The following RBM20 variants were observed in gnomAD, a reference collection of about 807,000 sequenced individuals.
The protein encoded by RBM20 is RNA binding motif protein 20.
Under a neutral mutation model 110.1 loss-of-function variants are expected in RBM20, and 51 were observed. The observed-to-expected ratio is 0.46, with a 90% CI of 0.37 to 0.59. The LOEUF (loss-of-function observed/expected upper bound fraction) is 0.59, where lower values mean the gene tolerates loss of function less well. Ranked by LOEUF, RBM20 falls within the 20% of genes least tolerant of loss-of-function variation. The probability of loss-of-function intolerance (pLI) is 0.00; values close to 1 mark genes in which losing one functional copy is unlikely to be tolerated. For synonymous variants in RBM20, 589 were observed against 618.2 expected, an observed-to-expected ratio of 0.95 and a Z score of 0.70; for missense variants, 1,512 against 1,574.9, an observed-to-expected ratio of 0.96 and a Z score of 0.68.
Position 110,812,594 on chromosome 10 carries a change from C to T in RBM20, c.2197C>T (p.His733Tyr). 1 of 1,551,690 alleles carries T rather than the reference C, an allele frequency of 6.4e-7. No individual in the cohort carries two copies. Among genetic ancestry groups the T allele is most frequent in the Non-Finnish European group, 8.7e-7 (1 of 1,146,996 alleles). The change falls in exon 9 of 14, where the codon CAC becomes TAC. Residue 733 changes from histidine to tyrosine, a missense_variant. Physicochemically the swap from His to Tyr is moderately conservative, Grantham distance 83. This residue lies in a region of RBM20 where 1,149 missense variants were observed against 1,169.4 expected (regional missense o/e 0.98). Coordinates refer to ENST00000369519, the MANE Select transcript of RBM20 (RefSeq NM_001134363.3). ...CGAGCGACCAGAAGGAGGGAGGCCC[C>T]ACCGGGAGAAGTACCCGAGATCTGG... ...LDERPEGGRP[H>Y]REKYPRSGSP...
intron 1 of RBM20, among the ~76,000 whole-genome samples, chr10:110,748,501 C>T (rs1328932034): frequency 5.3e-5 from 8 of 152,040 alleles, no homozygotes; most frequent in South Asian, 2.1e-4. Flanking sequence ...CAAGGGCTAC[C>T]GAGGCCTGGA....
intron 1 of RBM20, among the ~76,000 whole-genome samples, chr10:110,676,556 T>C (rs1396577187): frequency 1.3e-5 from 2 of 152,258 alleles, no homozygotes; most frequent in Non-Finnish European, 2.9e-5. Flanking sequence ...TTCCTGCACA[T>C]TTCAAACTGT....
chr10:110,780,850 C>G lies in RBM20; in HGVS notation c.241C>G (p.Pro81Ala). ...CCCATTCTCGGTCAGTAACCCGAAC[C>G]CTCTGCTTCCTTCACCTGCCAGTCT... is the stretch of plus-strand genomic sequence containing the variant. ...KNPFSVSNPN[P>A]LLPSPASLQL... The change falls in exon 2 of 14, where the codon CCT becomes GCT. Residue 81 changes from proline (P) to alanine (A), a missense_variant. Pro to Ala is a conservative substitution (Grantham distance 27, BLOSUM62 -1). Transcript: ENST00000369519. 6.5e-7 allele frequency: 1 copy of G among 1,547,718 alleles called. No individual in the cohort carries two copies. Among genetic ancestry groups the G allele is most frequent in the Non-Finnish European group, 8.7e-7 (1 of 1,144,066 alleles).
chr10:110,681,285 C>G (rs1862420419), intron 1 of RBM20, among the ~76,000 whole-genome samples: 1 of 152,256 alleles, frequency 6.6e-6, no homozygotes, highest in Non-Finnish European at 1.5e-5. Flanking sequence ...CCTGCCAACA[C>G]TTCCAAGAAA....
chr10:110,773,924 TAAACTCATGTTTAACTAACCC>T (rs1276088364), intron 1 of RBM20, among the ~76,000 whole-genome samples: 6 of 152,186 alleles, frequency 3.9e-5, no homozygotes, highest in African/African-American at 7.2e-5. Flanking sequence ...ACATGTTAGT[TAAACTCATGTTTAACTAACCC>T]AAACTCATGT....
At chr10:110,809,714 T>G (rs1451127254) in intron 7 of RBM20, among the ~76,000 whole-genome samples, 1 of 152,148 alleles carries the variant, frequency 6.6e-6, no homozygotes, top group Admixed American at 6.6e-5. Context: ...GAGCATCAGC[T>G]GATGTCTGTG....
At chr10:110,802,672 T>C (rs945808964) in intron 7 of RBM20, among the ~76,000 whole-genome samples, 1 of 152,132 alleles carries the variant, frequency 6.6e-6, no homozygotes, top group Non-Finnish European at 1.5e-5. Context: ...AAAACATGGG[T>C]TAAAGAGGTC....
chr10:110,760,634 G>C (rs1205136313), intron 1 of RBM20, among the ~76,000 whole-genome samples: 1 of 148,946 alleles, frequency 6.7e-6, no homozygotes, highest in Non-Finnish European at 1.5e-5. Context: ...AGAGACGCAG[G>C]GTTTCAACAT....
At chr10:110,684,239 A>G (rs1184359075) in intron 1 of RBM20, among the ~76,000 whole-genome samples, 1 of 152,174 alleles carries the variant, frequency 6.6e-6, no homozygotes, top group African/African-American at 2.4e-5. Flanking sequence ...TACTAAAAAT[A>G]CAAAAATTAG....
At chr10:110,810,261 C>T (rs999328671) in intron 7 of RBM20, 122 bp from the exon 8 acceptor site, 3 of 706,678 alleles carry the variant, frequency 4.2e-6, no homozygotes, top group Admixed American at 2.1e-5. Context: ...TTTGTCTTCC[C>T]CACACAAGGT....
At chr10:110,672,428 C>G (rs1018029819) in intron 1 of RBM20, among the ~76,000 whole-genome samples, 1 of 152,240 alleles carries the variant, frequency 6.6e-6, no homozygotes, top group Non-Finnish European at 1.5e-5. Context: ...GAGTGTCACC[C>G]GGGACCCTGC....
At chr10:110,795,979 C>T (rs1347951100) in intron 5 of RBM20, among the ~76,000 whole-genome samples, 1 of 152,218 alleles carries the variant, frequency 6.6e-6, no homozygotes, top group Non-Finnish European at 1.5e-5. Context: ...TTGTTGAATA[C>T]ATTGGGATAA....
rs1845144597 is a variant in RBM20 at position 110,837,328 on chromosome 10, G to C, written c.*1350G>C. On this transcript the variant is annotated 3_prime_UTR_variant, in exon 14 of 14. Coordinates refer to ENST00000369519, the MANE Select transcript of RBM20 (RefSeq NM_001134363.3). ...CCTGATATTCCATTGAAAGGGTGTG[G>C]GATAAAGGTGCTGGGGGAAATGAGG... The C allele has an allele frequency of 6.6e-6, 1 of 152,190 alleles. No individual in the cohort carries two copies. The highest frequency in any genetic ancestry group is 1.5e-5 in the Non-Finnish European group (1 of 68,058). 9.4% of individuals were successfully genotyped at this position (152,190 alleles called of 1,614,324 possible).
chr10:110,759,238 C>A (rs1843962697), intron 1 of RBM20, among the ~76,000 whole-genome samples: 1 of 152,194 alleles, frequency 6.6e-6, no homozygotes, highest in African/African-American at 2.4e-5. Context: ...GGAACCCCTA[C>A]CATGGCTCCT....
chr10:110,775,182 G>A (rs1032678334), intron 1 of RBM20, among the ~76,000 whole-genome samples: 2 of 152,292 alleles, frequency 1.3e-5, no homozygotes, highest in South Asian at 4.1e-4. Flanking sequence ...CACCTTTATA[G>A]TGTGGTCATA....
chr10:110,771,035 A>T (rs534378259), intron 1 of RBM20, among the ~76,000 whole-genome samples: 1 of 152,390 alleles, frequency 6.6e-6, no homozygotes, highest in South Asian at 2.1e-4. Context: ...TTCATCTTTC[A>T]AAGCATTGTA....
chr10:110,667,475 C>T (rs1327995033), intron 1 of RBM20, among the ~76,000 whole-genome samples: 2 of 152,164 alleles, frequency 1.3e-5, no homozygotes, highest in South Asian at 2.1e-4. Flanking sequence ...AAGATCCTGC[C>T]TCGGTGGGTG....
chr10:110,813,810 G>A (rs894969824), intron 9 of RBM20, among the ~76,000 whole-genome samples: 1 of 145,718 alleles, frequency 6.9e-6, no homozygotes, highest in African/African-American at 2.6e-5. Flanking sequence ...ACTCCAGCCT[G>A]GATGACAAGA....
Position 110,727,143 on chromosome 10 carries a change from C to T in RBM20, c.192-53658C>T, listed in dbSNP as rs867791175. Among the ~76,000 whole-genome samples the T allele has an allele frequency of 2.9e-3, 236 of 80,626 alleles. No individual in the cohort carries two copies. In the Middle Eastern group the frequency reaches 0.067, roughly 23 times the overall value. 52.9% of individuals were successfully genotyped at this position (80,626 alleles called of 152,430 possible). A position where few individuals can be genotyped will look rare whatever the true frequency, so the allele number is the denominator to read the frequency against. On this transcript the variant is annotated intron_variant, in intron 1 of 13. Transcript: ENST00000369519. ...ACAGGCGTGAGTCACTGCACCCAGC[C>T]TTTTTTTTTTTTTTTTTTTTTTTTT...
Sources: gnomAD v4.1 joint callset for allele counts (sites outside exome capture counted in the v4.1 genomes callset) on GRCh38, gnomAD v4.1.1 for gene constraint, gnomAD v4.1.1 regional missense constraint, MANE v1.5 for transcripts, NCBI Gene and HGNC (gene_info 2026-07-23, HGNC 2026-07-21) for gene names.